Variants in UNC13C observed in about 807,000 individuals in gnomAD.
UNC13C encodes the protein protein unc-13 homolog C.
A neutral mutation model predicts 245.4 loss-of-function variants in UNC13C; 174 were observed. The observed-to-expected ratio is 0.71, with a 90% CI of 0.63 to 0.80. The LOEUF (loss-of-function observed/expected upper bound fraction) is 0.80. UNC13C is among the 30% of genes least tolerant of loss of function. The pLI, the probability that UNC13C is intolerant of heterozygous loss-of-function variation, is 0.00. For missense variants in UNC13C, 2,829 were observed against 2,602.9 expected (o/e 1.09, Z -1.89); for synonymous variants, 992 against 895.1 (o/e 1.11, Z -1.93).
At chr15:54,002,226 C>CA (rs1894926396) in intron 1 of UNC13C, among the ~76,000 whole-genome samples, 1 of 152,004 alleles carries the variant, frequency 6.6e-6, no homozygotes, top group Non-Finnish European at 1.5e-5. Flanking sequence ...GCGGAGCTTG[C>CA]AGTGAGCCAA....
At chr15:54,438,562 G>T (rs1890346815) in intron 19 of UNC13C, among the ~76,000 whole-genome samples, 1 of 151,896 alleles carries the variant, frequency 6.6e-6, no homozygotes, top group Non-Finnish European at 1.5e-5. Flanking sequence ...CTCTAAAATG[G>T]CAAGCAGAGC....
chr15:54,320,542 C>T (rs1342282830), intron 13 of UNC13C, among the ~76,000 whole-genome samples: 1 of 151,968 alleles, frequency 6.6e-6, no homozygotes, highest in Non-Finnish European at 1.5e-5. Flanking sequence ...CAATTGGTCA[C>T]AAATATAATC....
chr15:54,209,357 G>A lies in UNC13C; in HGVS notation c.3072-25673G>A, dbSNP rs137997068. Among the ~76,000 whole-genome samples, 10 of 152,128 alleles carry A rather than the reference G, an allele frequency of 6.6e-5. No homozygotes were observed. In the South Asian group the frequency reaches 1.0e-3, roughly 16 times the overall value. ...TAACCCAAATGGTCTAGGGATTCAG[G>A]CATAGAGTGAAGTGTATCCTGAACT... is the stretch of plus-strand genomic sequence containing the variant. On this transcript the variant is annotated intron_variant, in intron 4 of 32. Transcript: ENST00000260323.
rs181063174 is a variant in UNC13C at position 54,379,033 on chromosome 15, A to G, written c.4714-14015A>G. Among the ~76,000 whole-genome samples, 223 of 152,150 alleles carry G rather than the reference A, an allele frequency of 1.5e-3. 1 individual carries two copies. Among genetic ancestry groups the G allele is most frequent in the Admixed American group, 0.013 (203 of 15,274 alleles). ...TAATGAAACTGAAATACTCTAATAT[A>G]TGGAAATTCCTAGTTTTGTTTCTAA... On this transcript the variant is annotated intron_variant, in intron 17 of 32. Coordinates refer to ENST00000260323, the MANE Select transcript of UNC13C (RefSeq NM_001080534.3).
intron 18 of UNC13C, among the ~76,000 whole-genome samples, chr15:54,398,614 G>C (rs769321005): frequency 1.3e-5 from 2 of 151,262 alleles, no homozygotes; most frequent in African/African-American, 4.8e-5. Flanking sequence ...AACTAAAAAT[G>C]TTATTTCTTC....
intron 4 of UNC13C, among the ~76,000 whole-genome samples, chr15:54,171,632 G>C (rs2033402580): frequency 6.6e-6 from 1 of 152,020 alleles, no homozygotes; most frequent in South Asian, 2.1e-4. Context: ...TGGAAAAAAG[G>C]GAATCCTCGT....
intron 1 of UNC13C, among the ~76,000 whole-genome samples, chr15:53,998,446 A>T (rs1254873551): frequency 6.6e-6 from 1 of 152,168 alleles, no homozygotes; most frequent in African/African-American, 2.4e-5. Flanking sequence ...AGTGAGAAAC[A>T]TAATTTATCT....
intron 30 of UNC13C, among the ~76,000 whole-genome samples, chr15:54,596,961 A>G (rs1452482490): frequency 6.6e-6 from 1 of 152,196 alleles, no homozygotes; most frequent in African/African-American, 2.4e-5. Context: ...AGTATCAGGT[A>G]TTCCTTTACA....
chr15:53,949,640 A>G, the UNC13C span, among the ~76,000 whole-genome samples: 1 of 152,166 alleles, frequency 6.6e-6, no homozygotes, highest in Non-Finnish European at 1.5e-5. Flanking sequence ...GGACTCTGAG[A>G]TGAATCCCAA....
chr15:53,893,227 C>A, the UNC13C span, among the ~76,000 whole-genome samples: 1 of 152,184 alleles, frequency 6.6e-6, no homozygotes, highest in East Asian at 1.9e-4. Context: ...TCTCTGGAAG[C>A]TTTGTCCCAG....
the UNC13C span, among the ~76,000 whole-genome samples, chr15:53,872,609 T>C: frequency 6.6e-6 from 1 of 152,144 alleles, no homozygotes. Flanking sequence ...GACAACTTCC[T>C]CTCCAGTCTC....
chr15:54,495,353 G>A (rs367906846), intron 20 of UNC13C, among the ~76,000 whole-genome samples: 1 of 152,160 alleles, frequency 6.6e-6, no homozygotes. Flanking sequence ...TCTAGGAGAT[G>A]CTGATAAGCT....
chr15:54,623,799 T>G lies in UNC13C; in HGVS notation c.6204T>G (p.Ile2068Met). Residue 2068 changes from isoleucine to methionine, a missense_variant, in exon 32 of 33, where the codon ATT becomes ATG. Coordinates refer to ENST00000260323, the MANE Select transcript of UNC13C (RefSeq NM_001080534.3). ...TGDHKVTVKVIAINDLNWQTT... is the reference protein window; with the variant it reads ...TGDHKVTVKVMAINDLNWQTT... ...GTGATATTTCCTTTTTTTTAGTGAT[T>G]GCTATTAATGACCTAAACTGGCAGA... 2 of 1,609,678 alleles carry G rather than the reference T, an allele frequency of 1.2e-6. No homozygotes were observed. The highest frequency in any genetic ancestry group is 1.7e-6 in the Non-Finnish European group (2 of 1,178,048).
intron 4 of UNC13C, among the ~76,000 whole-genome samples, chr15:54,214,198 G>A (rs1009469484): frequency 6.6e-6 from 1 of 151,750 alleles, no homozygotes; most frequent in Non-Finnish European, 1.5e-5. Context: ...GACAACAACG[G>A]AATAACAAAC....
At chr15:54,625,954 T>G (rs1901113222) in intron 32 of UNC13C, among the ~76,000 whole-genome samples, 2 of 152,172 alleles carry the variant, frequency 1.3e-5, no homozygotes, top group Non-Finnish European at 2.9e-5. Flanking sequence ...TCTTTCACAT[T>G]ATTTCAGATT....
intron 13 of UNC13C, among the ~76,000 whole-genome samples, chr15:54,309,456 G>T (rs1220267516): frequency 2.0e-5 from 3 of 151,622 alleles, no homozygotes; most frequent in East Asian, 3.9e-4. Context: ...TTGTAGGGTG[G>T]CTCCTCACTT....
chr15:54,163,013 T>C (rs754579713), intron 4 of UNC13C, among the ~76,000 whole-genome samples: 4 of 152,176 alleles, frequency 2.6e-5, no homozygotes, highest in Non-Finnish European at 4.4e-5. Context: ...GTCTCACTCC[T>C]TGTGGTAGAC....
intron 2 of UNC13C, among the ~76,000 whole-genome samples, chr15:54,048,324 C>T (rs1279313981): frequency 6.6e-6 from 1 of 152,158 alleles, no homozygotes; most frequent in African/African-American, 2.4e-5. Context: ...TATGTTTCCT[C>T]TTTACCAAAT....
At chr15:54,532,033 A>G (rs903619361) in intron 25 of UNC13C, among the ~76,000 whole-genome samples, 2 of 150,678 alleles carry the variant, frequency 1.3e-5, no homozygotes, top group African/African-American at 4.9e-5. Context: ...TTGTAAATTT[A>G]TGTTATGTTC....
Sources: gnomAD v4.1 joint callset for allele counts (sites outside exome capture counted in the v4.1 genomes callset) on GRCh38, gnomAD v4.1.1 for gene constraint, MANE v1.5 for transcripts, NCBI Gene and HGNC (gene_info 2026-07-23, HGNC 2026-07-21) for gene names.